The following BRME1 variants were observed in gnomAD, a reference collection of about 807,000 sequenced individuals.
BRME1 encodes the protein BRCA2 and MEILB2-associating protein 1.
A neutral mutation model predicts 52.6 loss-of-function variants in BRME1; 31 were observed. The ratio of observed to expected loss-of-function variants is 0.59; its 90% CI spans 0.44 to 0.80. BRME1 has a LOEUF of 0.80. BRME1 is among the 30% of genes least tolerant of loss of function. BRME1 has a pLI of 0.00. For synonymous variants in BRME1, 359 were observed against 353.6 expected (o/e 1.02, Z -0.17); for missense variants, 804 against 860.3 (o/e 0.93, Z 0.82).
intron 7 of BRME1, among the ~76,000 whole-genome samples, chr19:13,884,509 T>C (rs968459636): frequency 6.6e-6 from 1 of 151,234 alleles, no homozygotes; most frequent in African/African-American, 2.4e-5. Context: ...GTACCTGTAA[T>C]CCCAGCTACT....
chr19:13,889,798 G>C lies in BRME1; in HGVS notation c.1058C>G (p.Ala353Gly), dbSNP rs145637934. The C allele has an allele frequency of 6.2e-7, 1 of 1,612,854 alleles. No homozygotes were observed. Among genetic ancestry groups the C allele is most frequent in the Non-Finnish European group, 8.5e-7 (1 of 1,179,932 alleles). The change falls in exon 6 of 9, where the codon GCT becomes GGT. Residue 353 changes from alanine to glycine, a missense_variant. By Grantham distance (60) the Ala-to-Gly change is moderately conservative. Around this residue, in one of 3 missense-constraint regions of BRME1, gnomAD observed 552 missense variants for 561.1 expected, o/e 0.98. Coordinates refer to ENST00000586783, the MANE Select transcript of BRME1 (RefSeq NM_001345843.2). The part of the protein sequence containing the change: ...STDPTELEER[A>G]LEVAGPDGQA... ...CCCATCGGGCCCAGCCACCTCCAGA[G>C]CCCTCTCTTCCAGCTCAGTGGGGTC... is the stretch of plus-strand genomic sequence containing the variant.
At position 13,889,371 on chromosome 19, in the gene BRME1, C is replaced by G. The variant is rs763163182; in HGVS notation, c.1485G>C (p.Glu495Asp). ...HREIADDPLQ[E>D]PGAQQGIPDT... ...CTGGAATGCCCTGCTGAGCCCCGGG[C>G]TCCTGGAGAGGGTCGTCTGCTATTT... Residue 495 changes from glutamate (E) to aspartate (D), a missense_variant, in exon 6 of 9, where the codon GAG (glutamate) becomes GAC (aspartate). By Grantham distance (45) the Glu-to-Asp change is conservative. Transcript: ENST00000586783. The G allele has an allele frequency of 1.2e-6, 2 of 1,614,100 alleles. No homozygotes were observed. Among genetic ancestry groups the G allele is most frequent in the Non-Finnish European group, 1.7e-6 (2 of 1,180,000 alleles).
chr19:13,890,358 C>T lies in BRME1; in HGVS notation c.498G>A (p.Gln166=), dbSNP rs1274639934. ...QEATELGDPT[Q]ADSARPEQSS... is the part of the protein sequence containing the mutation. ...TCTGCTCAGGGCGGGCACTGTCTGC[C>T]TGCGTTGGGTCCCCCAGCTCCGTGG... The change falls in exon 6 of 9, where the codon CAG becomes CAA. Residue 166 remains glutamine, a synonymous_variant. Coordinates refer to ENST00000586783, the MANE Select transcript of BRME1 (RefSeq NM_001345843.2). 2 of 1,569,174 alleles carry T rather than the reference C, an allele frequency of 1.3e-6. No homozygotes were observed. Among genetic ancestry groups the T allele is most frequent in the East Asian group, 2.2e-5 (1 of 44,654 alleles).
Position 13,889,320 on chromosome 19 carries a change from C to A in BRME1, c.1536G>T (p.Gln512His). The A allele has an allele frequency of 3.1e-6, 5 of 1,614,166 alleles. No homozygotes were observed. Among genetic ancestry groups the A allele is most frequent in the Non-Finnish European group, 4.2e-6 (5 of 1,180,032 alleles). Reference protein sequence around the residue: ...IPDTTSELAGQRDHLPHSADQ... With the variant: ...IPDTTSELAGHRDHLPHSADQ... ...CTGCAGAATGAGGCAGGTGGTCTCG[C>A]TGCCCTGCCAGCTCTGAGGTGGTGT... The change falls in exon 6 of 9, where the codon CAG (glutamine) becomes CAT (histidine). Residue 512 changes from glutamine (Q) to histidine (H), a missense_variant. By Grantham distance (24) the Gln-to-His change is conservative. Coordinates refer to ENST00000586783, the MANE Select transcript of BRME1 (RefSeq NM_001345843.2).
Position 13,883,078 on chromosome 19 carries a change from T to C in BRME1, c.1857-126A>G, listed in dbSNP as rs1317118309. ...CACACACGGCTCACACACGTGCACA[T>C]AACCAGAAAGGGCCTGTTGTAGCAC... On this transcript the variant is annotated intron_variant, in intron 8 of 8. Transcript: ENST00000586783. The surrounding 1 kb of genome is among the most constrained non-coding windows in gnomAD (Gnocchi z 4.2). 1.6e-6 allele frequency: 2 copies of C among 1,253,196 alleles called. No individual in the cohort carries two copies. Among genetic ancestry groups the C allele is most frequent in the Non-Finnish European group, 2.2e-6 (2 of 906,566 alleles). The allele number at this position is 1,253,196 out of a possible 1,614,324, so 77.6% of individuals were successfully genotyped here. A position where few individuals can be genotyped will look rare whatever the true frequency, so the allele number is the denominator to read the frequency against.
chr19:13,893,150 G>A lies in BRME1; in HGVS notation c.280C>T (p.Pro94Ser), dbSNP rs780924564. 1 of 1,596,920 alleles carries A rather than the reference G, an allele frequency of 6.3e-7. No individual in the cohort carries two copies. Among genetic ancestry groups the A allele is most frequent in the African/African-American group, 1.3e-5 (1 of 74,608 alleles). ...QPEKEPAPLP[P>S]SQNSFGRFVP... ...CCACAGGACGAGCTCACCTGGGAAG[G>A]AGGAAGGGGAGCTGGCTCCTTTTCT... The change falls in exon 4 of 9, where the codon CCT (proline) becomes TCT (serine). Residue 94 changes from proline (P) to serine (S), a missense_variant. This residue lies in a region of BRME1 where 234 missense variants were observed against 258.1 expected (regional missense o/e 0.91). Transcript: ENST00000586783.
chr19:13,895,363 G>A lies in BRME1; in HGVS notation c.206+9C>T. On this transcript the variant is annotated intron_variant, in intron 3 of 8. Coordinates refer to ENST00000586783, the MANE Select transcript of BRME1 (RefSeq NM_001345843.2). ...GGGGAGACCTGCCGGAATGTTCAGA[G>A]CCACCTACCTGGAGACGGCCTTTCC... 1 of 1,610,928 alleles carries A rather than the reference G, an allele frequency of 6.2e-7. No homozygotes were observed. Among genetic ancestry groups the A allele is most frequent in the East Asian group, 2.2e-5 (1 of 44,866 alleles).
chr19:13,883,758 C>T lies in BRME1; in HGVS notation c.1764-358G>A, dbSNP rs1353174474. Among the ~76,000 whole-genome samples the T allele has an allele frequency of 6.6e-6, 1 of 151,850 alleles. No homozygotes were observed. The highest frequency in any genetic ancestry group is 1.5e-5 in the Non-Finnish European group (1 of 67,968). ...TGTGCACCACCTGCCTGCCCCGTGC[C>T]CTCCCCTCATCCCCCGCTTCTCCCC... On this transcript the variant is annotated intron_variant, in intron 7 of 8. Transcript: ENST00000586783. The surrounding 1 kb of genome is among the most constrained non-coding windows in gnomAD (Gnocchi z 4.2).
Position 13,882,366 on chromosome 19 carries a change from A to G in BRME1, c.*436T>C. The G allele has an allele frequency of 2.5e-6, 1 of 401,864 alleles. No homozygotes were observed. The highest frequency in any genetic ancestry group is 4.4e-6 in the Non-Finnish European group (1 of 227,894). The allele number at this position is 401,864 out of a possible 1,614,324, so 24.9% of individuals were successfully genotyped here. A position where few individuals can be genotyped will look rare whatever the true frequency, so the allele number is the denominator to read the frequency against. On this transcript the variant is annotated 3_prime_UTR_variant, in exon 9 of 9. Coordinates refer to ENST00000586783, the MANE Select transcript of BRME1 (RefSeq NM_001345843.2). ...CAGCAGGTCACGGGGCCTCTACAGA[A>G]TCATTTATTATGGGTCTTCCCAGAA... is the stretch of plus-strand genomic sequence containing the variant.
chr19:13,890,517 G>C, intron 5 of BRME1, 55 bp from the exon 6 acceptor site: 2 of 1,425,078 alleles, frequency 1.4e-6, no homozygotes, highest in Non-Finnish European at 9.2e-7. Context: ...GTTCTCCGAA[G>C]AGTTTTCTAT....
At position 13,883,232 on chromosome 19, in the gene BRME1, C is replaced by A; in HGVS notation, c.1856+76G>T. 1 of 1,335,178 alleles carries A rather than the reference C, an allele frequency of 7.5e-7. No homozygotes were observed. The highest frequency in any genetic ancestry group is 1.3e-5 in the South Asian group (1 of 77,786). 82.7% of individuals were successfully genotyped at this position (1,335,178 alleles called of 1,614,324 possible). ...CTGCCCACCTAGGGGCTTCACACTT[C>A]AGTCCCTCCCTGCTCCTCTGAGTCC... On this transcript the variant is annotated intron_variant, in intron 8 of 8. Transcript: ENST00000586783. The surrounding 1 kb of genome is among the most constrained non-coding windows in gnomAD (Gnocchi z 4.2).
Position 13,883,068 on chromosome 19 carries a change from C to T in BRME1, c.1857-116G>A, listed in dbSNP as rs573468486. On this transcript the variant is annotated intron_variant, in intron 8 of 8. Transcript: ENST00000586783. This position sits in a 1 kb window ranked among gnomAD's most constrained non-coding sequence, Gnocchi z 4.2. ...CTCAGGTGCACACACACGGCTCACA[C>T]ACGTGCACATAACCAGAAAGGGCCT... The T allele has an allele frequency of 3.8e-6, 5 of 1,321,432 alleles. No individual in the cohort carries two copies. Among genetic ancestry groups the T allele is most frequent in the Admixed American group, 4.3e-5 (2 of 46,866 alleles). The allele number at this position is 1,321,432 out of a possible 1,614,324, so 81.9% of individuals were successfully genotyped here. A position where few individuals can be genotyped will look rare whatever the true frequency, so the allele number is the denominator to read the frequency against.
At chr19:13,896,123 A>T (rs1229932606) in intron 2 of BRME1, among the ~76,000 whole-genome samples, 1 of 152,090 alleles carries the variant, frequency 6.6e-6, no homozygotes. Context: ...TACAAAAATT[A>T]GCCGGGCATG....
At position 13,890,097 on chromosome 19, in the gene BRME1, CT is replaced by C. The variant is rs774655091; in HGVS notation, c.758del (p.Gln253ArgfsTer90). The C allele has an allele frequency of 6.2e-7, 1 of 1,614,086 alleles. No individual in the cohort carries two copies. Among genetic ancestry groups the C allele is most frequent in the South Asian group, 1.1e-5 (1 of 91,092 alleles). On this transcript the variant is annotated frameshift_variant, in exon 6 of 9. Transcript: ENST00000586783. LOFTEE classifies it high-confidence loss of function. Reference sequence around the variant, plus strand: ...CTGCTGTCCTTTGGGCCCCTCCCTCCTGGGGGGCTCCTCTGTCTGGCTTCTC... The same window carrying C: ...CTGCTGTCCTTTGGGCCCCTCCCTCCGGGGGGCTCCTCTGTCTGGCTTCTC... ...EGEKPDRGAP[Q>X]EGGAQRTAGA...
Position 13,889,635 on chromosome 19 carries a change from G to A in BRME1, c.1221C>T (p.Pro407=). The change falls in exon 6 of 9, where the codon CCC becomes CCT. Residue 407 remains proline (P), a synonymous_variant. Coordinates refer to ENST00000586783, the MANE Select transcript of BRME1 (RefSeq NM_001345843.2). Reference sequence around the variant, plus strand: ...TAGGGCCCACTAGGACATCGCCGGGGGGCTTGCCATCCTGCCCTGCCTCCC... The same window carrying A: ...TAGGGCCCACTAGGACATCGCCGGGAGGCTTGCCATCCTGCCCTGCCTCCC... ...ESGEAGQDGK[P]PGDVLVGPTA... 1.9e-6 allele frequency: 3 copies of A among 1,608,078 alleles called. No homozygotes were observed. Among genetic ancestry groups the A allele is most frequent in the Non-Finnish European group, 2.5e-6 (3 of 1,176,732 alleles).
rs773092355 is a variant in BRME1 at position 13,882,604 on chromosome 19, C to T, written c.*198G>A. 6.2e-6 allele frequency: 4 copies of T among 647,784 alleles called. No homozygotes were observed. Among genetic ancestry groups the T allele is most frequent in the Non-Finnish European group, 1.0e-5 (4 of 384,144 alleles). 40.1% of individuals were successfully genotyped at this position (647,784 alleles called of 1,614,324 possible). A position where few individuals can be genotyped will look rare whatever the true frequency, so the allele number is the denominator to read the frequency against. ...GGAGACACAGTTTCCCTCCCTGAAG[C>T]CAAGGGTGGCAAATGACCTTGACCC... On this transcript the variant is annotated 3_prime_UTR_variant, in exon 9 of 9. Transcript: ENST00000586783.
At position 13,890,125 on chromosome 19, in the gene BRME1, C is replaced by G. The variant is rs1240405130; in HGVS notation, c.731G>C (p.Gly244Ala). The change falls in exon 6 of 9, where the codon GGG becomes GCG. Residue 244 changes from glycine (G) to alanine (A), a missense_variant. By Grantham distance (60) the Gly-to-Ala change is moderately conservative (BLOSUM62 0). This residue lies in a region of BRME1 where 552 missense variants were observed against 561.1 expected (regional missense o/e 0.98). Coordinates refer to ENST00000586783, the MANE Select transcript of BRME1 (RefSeq NM_001345843.2). ...KEHLPSIDSE[G>A]EKPDRGAPQE... Reference sequence around the variant, plus strand: ...GGGGGCTCCTCTGTCTGGCTTCTCCCCTTCAGAATCAATGCTTGGTAGGTG... The same window carrying G: ...GGGGGCTCCTCTGTCTGGCTTCTCCGCTTCAGAATCAATGCTTGGTAGGTG... 6.2e-7 allele frequency: 1 copy of G among 1,614,066 alleles called. No homozygotes were observed. The highest frequency in any genetic ancestry group is 1.3e-5 in the African/African-American group (1 of 74,944).
rs1412844277 is a variant in BRME1, at chr19:13,904,631, G to A, written c.31+231C>T. 2.6e-5 allele frequency among the ~76,000 whole-genome samples: 4 copies of A among 151,112 alleles called. 1 individual carries two copies. Among genetic ancestry groups the A allele is most frequent in the South Asian group, 4.2e-4 (2 of 4,782 alleles). ...TAATTTTTGTATTTTTAGTAGAGAC[G>A]GGGTTTCACCATGTTGGTCAGGCTG... On this transcript the variant is annotated intron_variant, in intron 2 of 8. Coordinates refer to ENST00000586783, the MANE Select transcript of BRME1 (RefSeq NM_001345843.2).
Position 13,883,393 on chromosome 19 carries a change from C to T in BRME1, c.1771G>A (p.Val591Met), listed in dbSNP as rs575810255. The change falls in exon 8 of 9, where the codon GTG becomes ATG. Residue 591 changes from valine to methionine, a missense_variant. Val to Met is a conservative substitution (Grantham distance 21). This residue lies in a region of BRME1 where 552 missense variants were observed against 561.1 expected (regional missense o/e 0.98). Transcript: ENST00000586783. The surrounding 1 kb of genome is among the most constrained non-coding windows in gnomAD (Gnocchi z 4.2). ...AVAKAQPRTF[V>M]GIQASEASRM... ...GAGGCCTCAGAGGCCTGGATCCCCA[C>T]GAAGGTCCTGGCCAGCAGGGAAGGA... The T allele has an allele frequency of 3.2e-5, 49 of 1,533,458 alleles. No individual in the cohort carries two copies. Among genetic ancestry groups the T allele is most frequent in the South Asian group, 6.0e-5 (5 of 84,012 alleles). 95.0% of individuals were successfully genotyped at this position (1,533,458 alleles called of 1,614,324 possible).
Sources: allele counts gnomAD v4.1 joint callset (sites outside exome capture counted in the v4.1 genomes callset), GRCh38; gene constraint gnomAD v4.1.1; regional missense constraint gnomAD v4.1.1; non-coding constraint Gnocchi (gnomAD v3.1); transcripts MANE v1.5; gene names NCBI Gene and HGNC (gene_info 2026-07-23, HGNC 2026-07-21).